The following FAM135A variants were observed in gnomAD, a reference collection of about 807,000 sequenced individuals.
FAM135A encodes the protein family with sequence similarity 135 member A.
In FAM135A, 79 loss-of-function variants were observed where a neutral mutation model predicts 146.8. The ratio of observed to expected loss-of-function variants is 0.54; its 90% CI spans 0.45 to 0.65. The LOEUF is 0.65. Ranked by LOEUF, FAM135A falls within the 30% of genes least tolerant of loss-of-function variation. FAM135A has a pLI of 0.00. For missense variants in FAM135A, 1,623 were observed against 1,758.2 expected (o/e 0.92, Z 1.38); for synonymous variants, 562 against 603.6 (o/e 0.93, Z 1.01).
At chr6:70,545,772 G>A (rs1286828431) in intron 20 of FAM135A, among the ~76,000 whole-genome samples, 1 of 152,136 alleles carries the variant, frequency 6.6e-6, no homozygotes, top group Non-Finnish European at 1.5e-5. Flanking sequence ...ACCCTCTAGG[G>A]TAGGAATATT....
At chr6:70,550,981 G>C (rs1261162984) in intron 20 of FAM135A, among the ~76,000 whole-genome samples, 1 of 152,164 alleles carries the variant, frequency 6.6e-6, no homozygotes, top group Non-Finnish European at 1.5e-5. Flanking sequence ...CTGGCTTCCA[G>C]CTGTTCTGTG....
intron 1 of FAM135A, among the ~76,000 whole-genome samples, chr6:70,414,507 T>C (rs111616173): frequency 1.3e-4 from 20 of 149,916 alleles, no homozygotes; most frequent in African/African-American, 5.0e-4. Flanking sequence ...TCCAAAACTC[T>C]TCCACCCTCC....
At chr6:70,486,192 T>C (rs1186512867) in intron 10 of FAM135A, 1 of 1,613,874 alleles carries the variant, frequency 6.2e-7, no homozygotes, top group Non-Finnish European at 8.5e-7. Context: ...AGCTCCTATA[T>C]GAGCGTCTTC....
chr6:70,520,841 A>G (rs556467940), intron 12 of FAM135A, among the ~76,000 whole-genome samples: 27 of 152,224 alleles, frequency 1.8e-4, no homozygotes, highest in Non-Finnish European at 3.7e-4. Context: ...CTACAGCATG[A>G]TAATTATGCT....
chr6:70,528,168 A>C, intron 15 of FAM135A, 124 bp from the exon 16 acceptor site: 1 of 790,022 alleles, frequency 1.3e-6, no homozygotes, highest in Non-Finnish European at 1.9e-6. Context: ...GTGATGCCAC[A>C]TATTTTCATG....
At chr6:70,458,354 C>T (rs1486557999) in intron 5 of FAM135A, among the ~76,000 whole-genome samples, 2 of 152,112 alleles carry the variant, frequency 1.3e-5, no homozygotes, top group Non-Finnish European at 2.9e-5. Flanking sequence ...CAAGATCTTT[C>T]ATATTTCAAA....
intron 13 of FAM135A, among the ~76,000 whole-genome samples, chr6:70,523,421 G>A (rs1397104493): frequency 6.6e-6 from 1 of 152,088 alleles, no homozygotes; most frequent in African/African-American, 2.4e-5. Context: ...TGTATATGGG[G>A]TATTTTATAC....
At chr6:70,463,951 A>G (rs1158961480) in intron 5 of FAM135A, among the ~76,000 whole-genome samples, 1 of 152,224 alleles carries the variant, frequency 6.6e-6, no homozygotes. Context: ...GCCTGCTGAA[A>G]TAGGCAGTTA....
chr6:70,490,483 C>T (rs1438279049), intron 10 of FAM135A, among the ~76,000 whole-genome samples: 1 of 151,984 alleles, frequency 6.6e-6, no homozygotes, highest in African/African-American at 2.4e-5. Flanking sequence ...ATGCAAATAT[C>T]TGCCTCAGTT....
chr6:70,524,980 C>A lies in FAM135A; in HGVS notation c.1896C>A (p.His632Gln). The A allele has an allele frequency of 6.2e-7, 1 of 1,603,064 alleles. No homozygotes were observed. The change falls in exon 15 of 22, where the codon CAC becomes CAA. Residue 632 changes from histidine to glutamine, a missense_variant. Physicochemically the swap from His to Gln is conservative, Grantham distance 24 (BLOSUM62 0). Around this residue, in one of 7 missense-constraint regions of FAM135A, gnomAD observed 1,061 missense variants for 1,113.8 expected, o/e 0.95. Transcript: ENST00000418814. ...ATAGTGAAATTACACAAATGGAACA[C>A]AATCTGGCATCCAGAAGGTCATCAG... is the stretch of plus-strand genomic sequence containing the variant. ...QDDSEITQME[H>Q]NLASRRSSDD...
At chr6:70,414,026 C>A in intron 1 of FAM135A, 1 of 985,774 alleles carries the variant, frequency 1.0e-6, no homozygotes, top group Non-Finnish European at 1.2e-6. Context: ...TTGCCCTTCA[C>A]CCCTGCTCCA....
chr6:70,481,313 A>G (rs1459961811), intron 9 of FAM135A, among the ~76,000 whole-genome samples: 1 of 152,164 alleles, frequency 6.6e-6, no homozygotes, highest in African/African-American at 2.4e-5. Flanking sequence ...AATCATTCCA[A>G]AGGAGCCTTT....
rs1782773845 is a variant in FAM135A at position 70,477,154 on chromosome 6, T to C, written c.369-5T>C. 3.7e-6 allele frequency: 6 copies of C among 1,611,740 alleles called. No individual in the cohort carries two copies. Among genetic ancestry groups the C allele is most frequent in the Non-Finnish European group, 5.1e-6 (6 of 1,178,844 alleles). ...TACTTACATGCTAAGTGTTCCTTTT[T>C]ACAGGGCAGATGATCTGAATGCCTT... On this transcript the variant is annotated splice_polypyrimidine_tract_variant and splice_region_variant and intron_variant, in intron 7 of 21. Coordinates refer to ENST00000418814, the MANE Select transcript of FAM135A (RefSeq NM_001162529.3).
chr6:70,555,174 T>A (rs528171490), intron 20 of FAM135A, among the ~76,000 whole-genome samples: 3 of 152,332 alleles, frequency 2.0e-5, no homozygotes, highest in African/African-American at 7.2e-5. Context: ...ATTGGAGAGA[T>A]AATATCTTTC....
intron 20 of FAM135A, among the ~76,000 whole-genome samples, chr6:70,556,321 G>A (rs1424501859): frequency 6.6e-6 from 1 of 152,006 alleles, no homozygotes; most frequent in African/African-American, 2.4e-5. Context: ...TGAAAAGAAA[G>A]TAAAAAGCTT....
Position 70,479,240 on chromosome 6 carries a change from A to G in FAM135A, c.543-1661A>G, listed in dbSNP as rs1352021634. On this transcript the variant is annotated intron_variant, in intron 8 of 21. Coordinates refer to ENST00000418814, the MANE Select transcript of FAM135A (RefSeq NM_001162529.3). ...ATTAAACAGAGTAGATATTCACATCACCATCGTAGTGAGTTAAATACGTGC... is the reference window on the plus strand; with the variant it reads ...ATTAAACAGAGTAGATATTCACATCGCCATCGTAGTGAGTTAAATACGTGC... 4.6e-5 allele frequency among the ~76,000 whole-genome samples: 7 copies of G among 152,192 alleles called. 1 individual carries two copies. The highest frequency in any genetic ancestry group is 8.8e-5 in the Non-Finnish European group (6 of 68,030).
chr6:70,558,090 A>T (rs1299633759), intron 21 of FAM135A, among the ~76,000 whole-genome samples: 1 of 152,242 alleles, frequency 6.6e-6, no homozygotes, highest in East Asian at 1.9e-4. Context: ...AATGATGAAG[A>T]CATGTTTAGA....
chr6:70,428,309 G>C lies in FAM135A; in HGVS notation c.-34G>C, dbSNP rs752292035. 1 of 1,462,544 alleles carries C rather than the reference G, an allele frequency of 6.8e-7. No individual in the cohort carries two copies. Among genetic ancestry groups the C allele is most frequent in the Admixed American group, 2.1e-5 (1 of 46,576 alleles). The allele number at this position is 1,462,544 out of a possible 1,614,324, so 90.6% of individuals were successfully genotyped here. ...TTTCCCTTTCCTTAACAAAGGTGCT[G>C]TTATCAGAATAGTCTTCTGGGTATA... On this transcript the variant is annotated 5_prime_UTR_variant, in exon 4 of 22. Coordinates refer to ENST00000418814, the MANE Select transcript of FAM135A (RefSeq NM_001162529.3).
intron 1 of FAM135A, chr6:70,413,904 G>T (rs866449291): frequency 7.1e-6 from 7 of 985,376 alleles, no homozygotes; most frequent in Non-Finnish European, 8.4e-6. Flanking sequence ...GGTGCGGAGC[G>T]CTCTGAGGGA....
Sources: gnomAD v4.1 joint callset for allele counts (sites outside exome capture counted in the v4.1 genomes callset) on GRCh38, gnomAD v4.1.1 for gene constraint, gnomAD v4.1.1 regional missense constraint, MANE v1.5 for transcripts, NCBI Gene and HGNC (gene_info 2026-07-23, HGNC 2026-07-21) for gene names.